MGAT4C: variants seen among roughly 807,000 people sequenced by gnomAD.
MGAT4C encodes alpha-1,3-mannosyl-glycoprotein 4-beta-N-acetylglucosaminyltransferase C.
MGAT4C carries 19 observed loss-of-function variants against 40.1 expected under a neutral mutation model. The ratio of observed to expected loss-of-function variants is 0.47; its 90% CI spans 0.33 to 0.70. MGAT4C has a LOEUF of 0.70. Among genes scored for constraint, MGAT4C ranks in the 30% least tolerant of loss-of-function variants. The pLI, the probability that MGAT4C is intolerant of heterozygous loss-of-function variation, is 0.02. For missense variants in MGAT4C, 491 were observed against 563.2 expected (o/e 0.87, Z 1.30); for synonymous variants, 181 against 187.1 (o/e 0.97, Z 0.27).
intron 1 of MGAT4C, among the ~76,000 whole-genome samples, chr12:86,194,798 T>C (rs1195580402): frequency 1.3e-5 from 2 of 152,172 alleles, no homozygotes; most frequent in Non-Finnish European, 2.9e-5. Flanking sequence ...TGTGATAAGA[T>C]TGATTCAAAG....
At position 85,957,657 on chromosome 12, in the gene MGAT4C, C is replaced by CAAAAAAAAAAAAAAAAAAAAAAAG. The variant is rs5799763; in HGVS notation, c.*21631_*21632insCTTTTTTTTTTTTTTTTTTTTTTT. 9.9e-6 allele frequency: 1 copy of CAAAAAAAAAAAAAAAAAAAAAAAG among 101,306 alleles called. No homozygotes were observed. The highest frequency in any genetic ancestry group is 4.0e-5 in the African/African-American group (1 of 24,746). The allele number at this position is 101,306 out of a possible 1,614,324, so 6.3% of individuals were successfully genotyped here. A position where few individuals can be genotyped will look rare whatever the true frequency, so the allele number is the denominator to read the frequency against. ...TTTACTGTAGAGTTGAATAAGAAAG[C>CAAAAAAAAAAAAAAAAAAAAAAAG]AAAAAAAAAAAAAAAAGAAAAAAGA... On this transcript the variant is annotated 3_prime_UTR_variant, in exon 5 of 5. Transcript: ENST00000611864.
At chr12:86,504,185 A>G (rs1241071763) in intron 2 of MGAT4C, among the ~76,000 whole-genome samples, 2 of 152,084 alleles carry the variant, frequency 1.3e-5, no homozygotes, top group African/African-American at 4.8e-5. Flanking sequence ...GTGAGGATGT[A>G]GAACAATTTT....
intron 1 of MGAT4C, among the ~76,000 whole-genome samples, chr12:86,255,210 A>G (rs1302253561): frequency 2.0e-5 from 3 of 152,166 alleles, no homozygotes; most frequent in Non-Finnish European, 1.5e-5. Flanking sequence ...ACAATTAATT[A>G]CACTTTTCTG....
Position 85,980,002 on chromosome 12 carries a change from C to A in MGAT4C, c.724G>T (p.Ala242Ser). 1 of 1,613,624 alleles carries A rather than the reference C, an allele frequency of 6.2e-7. No homozygotes were observed. Among genetic ancestry groups the A allele is most frequent in the Non-Finnish European group, 8.5e-7 (1 of 1,179,766 alleles). Residue 242 changes from alanine to serine, a missense_variant, in exon 5 of 5, where the codon GCA becomes TCA. Ala to Ser is a moderately conservative substitution (Grantham distance 99). Coordinates refer to ENST00000611864, the MANE Select transcript of MGAT4C (RefSeq NM_001351288.2). ...ACCCAGTAAGTTCCTTCTAGGGATG[C>A]AATGACTTTCTTGATGGCAGTTAAG... Reference protein sequence around the residue: ...NFLTAIKKVIASLEGTYWVTL... With the variant: ...NFLTAIKKVISSLEGTYWVTL...
At chr12:85,992,408 C>A (rs1453767067) in intron 2 of MGAT4C, among the ~76,000 whole-genome samples, 1 of 152,150 alleles carries the variant, frequency 6.6e-6, no homozygotes, top group Non-Finnish European at 1.5e-5. Flanking sequence ...ATCCAAAGGC[C>A]CCTGGACTAA....
At chr12:86,700,847 T>C (rs1165305472) in intron 2 of MGAT4C, among the ~76,000 whole-genome samples, 1 of 152,076 alleles carries the variant, frequency 6.6e-6, no homozygotes, top group Non-Finnish European at 1.5e-5. Flanking sequence ...AGGAAGAAAA[T>C]AGTATTACAT....
At chr12:86,489,931 C>T (rs932458000) in intron 2 of MGAT4C, among the ~76,000 whole-genome samples, 2 of 152,044 alleles carry the variant, frequency 1.3e-5, no homozygotes, top group Admixed American at 6.6e-5. Context: ...TGTGAAAAGA[C>T]CAAATCTACG....
chr12:86,020,493 C>A (rs561466972), intron 2 of MGAT4C, among the ~76,000 whole-genome samples: 3 of 152,230 alleles, frequency 2.0e-5, no homozygotes, highest in East Asian at 1.9e-4. Context: ...GGAAAGGATT[C>A]CCTATTTAAT....
At chr12:86,778,910 A>G (rs1951786587) in intron 1 of MGAT4C, among the ~76,000 whole-genome samples, 2 of 151,670 alleles carry the variant, frequency 1.3e-5, no homozygotes, top group Admixed American at 1.3e-4. Flanking sequence ...AACAAAACAA[A>G]CAAAACCTCT....
chr12:85,983,682 G>T lies in MGAT4C; in HGVS notation c.148-12C>A, dbSNP rs750314226. ...TGTTTGTCTCCTTCCTAAATACCAA[G>T]AAAGAAGCAAGGAAAATATATAAAT... On this transcript the variant is annotated splice_polypyrimidine_tract_variant and intron_variant, in intron 3 of 4. Coordinates refer to ENST00000611864, the MANE Select transcript of MGAT4C (RefSeq NM_001351288.2). The T allele has an allele frequency of 5.8e-6, 9 of 1,540,808 alleles. No individual in the cohort carries two copies. In the South Asian group the frequency reaches 1.0e-4, roughly 17 times the overall value.
chr12:86,764,238 T>A (rs111843306), intron 1 of MGAT4C, among the ~76,000 whole-genome samples: 1 of 152,084 alleles, frequency 6.6e-6, no homozygotes, highest in Non-Finnish European at 1.5e-5. Flanking sequence ...GAGGGTCCTA[T>A]GCCCACGGAG....
chr12:86,086,520 A>G (rs1293187726), intron 1 of MGAT4C, among the ~76,000 whole-genome samples: 1 of 152,122 alleles, frequency 6.6e-6, no homozygotes, highest in Admixed American at 6.6e-5. Flanking sequence ...TGTATCCCAG[A>G]ACTTAAAGTA....
At chr12:86,472,595 A>G (rs912987793) in intron 2 of MGAT4C, among the ~76,000 whole-genome samples, 31 of 152,124 alleles carry the variant, frequency 2.0e-4, no homozygotes, top group Non-Finnish European at 3.7e-4. Flanking sequence ...AAATCTTACT[A>G]TTATAGATTT....
At chr12:86,742,509 A>T (rs1437407865) in intron 1 of MGAT4C, among the ~76,000 whole-genome samples, 2 of 151,502 alleles carry the variant, frequency 1.3e-5, no homozygotes, top group Non-Finnish European at 3.0e-5. Flanking sequence ...CATGAGTATG[A>T]CATGCCTCAG....
chr12:86,610,492 T>G (rs1378121420), intron 2 of MGAT4C, among the ~76,000 whole-genome samples: 1 of 152,108 alleles, frequency 6.6e-6, no homozygotes, highest in East Asian at 1.9e-4. Context: ...CTGATGTATC[T>G]CATTGCGTCA....
At chr12:86,133,646 T>C (rs1263018696) in intron 1 of MGAT4C, among the ~76,000 whole-genome samples, 35 of 152,136 alleles carry the variant, frequency 2.3e-4, no homozygotes, top group Admixed American at 2.3e-3. Context: ...GGTAACTTCT[T>C]TTCTAATAAA....
chr12:86,822,752 A>G (rs749754853), intron 1 of MGAT4C, among the ~76,000 whole-genome samples: 12 of 151,142 alleles, frequency 7.9e-5, no homozygotes, highest in Non-Finnish European at 1.6e-4. Context: ...ACACTCAGGA[A>G]TGGGTAGTAA....
intron 2 of MGAT4C, among the ~76,000 whole-genome samples, chr12:86,709,705 C>T (rs897333712): frequency 2.6e-5 from 4 of 152,110 alleles, no homozygotes; most frequent in Admixed American, 2.6e-4. Flanking sequence ...GGAACCTTCC[C>T]TCTCTGCCTG....
At chr12:86,629,340 TC>T (rs1220422713) in intron 2 of MGAT4C, among the ~76,000 whole-genome samples, 6 of 152,092 alleles carry the variant, frequency 3.9e-5, no homozygotes, top group Non-Finnish European at 7.3e-5. Flanking sequence ...ATCAGACAGA[TC>T]AATGAGACAG....
Sources: allele counts gnomAD v4.1 joint callset (sites outside exome capture counted in the v4.1 genomes callset), GRCh38; gene constraint gnomAD v4.1.1; transcripts MANE v1.5; gene names NCBI Gene and HGNC (gene_info 2026-07-23, HGNC 2026-07-21).